Variants in APP observed in about 807,000 individuals in gnomAD.
The protein encoded by APP is amyloid beta precursor protein, also known as amyloid-beta precursor protein.
In APP, 31 loss-of-function variants were observed where a neutral mutation model predicts 101.4. The observed-to-expected ratio is 0.31, with a 90% CI of 0.23 to 0.41. APP has a LOEUF of 0.41. Ranked by LOEUF, APP falls within the 10% of genes least tolerant of loss-of-function variation. The pLI is 1.00. For missense variants in APP, 839 were observed against 1,003.7 expected, an observed-to-expected ratio of 0.84 and a Z score of 2.22; for synonymous variants, 366 against 364.4, an observed-to-expected ratio of 1.00 and a Z score of -0.05.
chr21:25,981,989 C>A (rs951081059), intron 9 of APP, among the ~76,000 whole-genome samples: 1 of 152,104 alleles, frequency 6.6e-6, no homozygotes, highest in Non-Finnish European at 1.5e-5. Context: ...TAATACAAAA[C>A]CTCATCTTTA....
At chr21:26,161,250 C>T (rs2063486801) in intron 1 of APP, among the ~76,000 whole-genome samples, 1 of 152,214 alleles carries the variant, frequency 6.6e-6, no homozygotes, top group Admixed American at 6.5e-5. Context: ...AGTAGATCTT[C>T]TGTCTACAAT....
At chr21:26,060,112 A>T (rs745736734) in intron 3 of APP, among the ~76,000 whole-genome samples, 1 of 152,148 alleles carries the variant, frequency 6.6e-6, no homozygotes, top group Non-Finnish European at 1.5e-5. Flanking sequence ...GTAGTTTCTC[A>T]TAATAATAAT....
intron 2 of APP, among the ~76,000 whole-genome samples, chr21:26,106,458 A>G (rs554563648): frequency 2.0e-5 from 3 of 152,288 alleles, no homozygotes; most frequent in African/African-American, 7.2e-5. Context: ...TTCCTCAGAA[A>G]AGGAGATGTT....
At chr21:25,882,397 G>A (rs966156482) in intron 17 of APP, among the ~76,000 whole-genome samples, 7 of 147,926 alleles carry the variant, frequency 4.7e-5, no homozygotes, top group Admixed American at 2.7e-4. Context: ...CAAGGACGAC[G>A]CCATTCTAGA....
At chr21:26,149,619 TCTCC>T (rs1394417887) in intron 1 of APP, among the ~76,000 whole-genome samples, 2 of 152,182 alleles carry the variant, frequency 1.3e-5, no homozygotes, top group African/African-American at 4.8e-5. Flanking sequence ...ATACAATAAT[TCTCC>T]CTGTCTTAAA....
intron 9 of APP, among the ~76,000 whole-genome samples, chr21:25,979,575 C>T (rs989861023): frequency 6.6e-6 from 1 of 152,138 alleles, no homozygotes; most frequent in Non-Finnish European, 1.5e-5. Flanking sequence ...ATTCTCTGCT[C>T]TGGGACAACA....
At chr21:26,004,433 C>G (rs2043429794) in intron 6 of APP, among the ~76,000 whole-genome samples, 1 of 34,888 alleles carries the variant, frequency 2.9e-5, no homozygotes, top group South Asian at 1.6e-3. Context: ...GCTGGGATTA[C>G]AAGCACCCGC....
intron 3 of APP, among the ~76,000 whole-genome samples, chr21:26,079,121 A>T (rs2830043): frequency 0.23 from 35,100 of 151,618 alleles, 4,155 homozygotes; most frequent in Admixed American, 0.28. Flanking sequence ...CACGATGAGA[A>T]GAGGGTTCTG....
chr21:26,044,376 A>C (rs2045513173), intron 5 of APP, among the ~76,000 whole-genome samples: 1 of 152,236 alleles, frequency 6.6e-6, no homozygotes, highest in South Asian at 2.1e-4. Flanking sequence ...CATATTGGCA[A>C]ATAGGAACAA....
At chr21:25,936,700 A>G (rs954193728) in intron 13 of APP, among the ~76,000 whole-genome samples, 2 of 152,214 alleles carry the variant, frequency 1.3e-5, no homozygotes, top group East Asian at 3.9e-4. Flanking sequence ...TCCAGCCTCC[A>G]GAAGCATGAG....
intron 14 of APP, among the ~76,000 whole-genome samples, chr21:25,907,363 T>C (rs2038847578): frequency 6.6e-6 from 1 of 152,088 alleles, no homozygotes; most frequent in African/African-American, 2.4e-5. Flanking sequence ...TATGATATCA[T>C]TGCCGAAAAA....
chr21:26,017,943 A>T (rs1458567998), intron 6 of APP, among the ~76,000 whole-genome samples: 2 of 151,942 alleles, frequency 1.3e-5, no homozygotes, highest in Non-Finnish European at 2.9e-5. Context: ...TCGTGTGCTC[A>T]CTTTTATTTT....
At chr21:26,086,111 GTC>G (rs2061697767) in intron 3 of APP, among the ~76,000 whole-genome samples, 1 of 152,212 alleles carries the variant, frequency 6.6e-6, no homozygotes, top group Non-Finnish European at 1.5e-5. Context: ...ATGAAGAGCA[GTC>G]ATTCAAATGG....
intron 14 of APP, among the ~76,000 whole-genome samples, chr21:25,905,360 G>A (rs1167294158): frequency 1.3e-5 from 2 of 152,146 alleles, no homozygotes; most frequent in African/African-American, 4.8e-5. Flanking sequence ...AGAGGGGTGG[G>A]GAGGGTGGAT....
chr21:26,123,101 A>G (rs1296040392), intron 1 of APP, among the ~76,000 whole-genome samples: 2 of 152,222 alleles, frequency 1.3e-5, no homozygotes, highest in African/African-American at 2.4e-5. Context: ...TTACCTTTCT[A>G]TTTTTAGCAG....
At chr21:26,014,398 C>T (rs2043960633) in intron 6 of APP, among the ~76,000 whole-genome samples, 1 of 152,190 alleles carries the variant, frequency 6.6e-6, no homozygotes, top group South Asian at 2.1e-4. Flanking sequence ...ATACAAGCTA[C>T]TCTGATTTAC....
At chr21:25,895,201 C>G (rs1355070845) in intron 16 of APP, among the ~76,000 whole-genome samples, 1 of 144,216 alleles carries the variant, frequency 6.9e-6, no homozygotes, top group East Asian at 2.0e-4. Flanking sequence ...GAGACAGAGT[C>G]TTGCTCTTGT....
chr21:26,074,751 A>G (rs77045551), intron 3 of APP, among the ~76,000 whole-genome samples: 1 of 13,936 alleles, frequency 7.2e-5, no homozygotes, highest in Non-Finnish European at 1.7e-4. Flanking sequence ...TGTGTCTCAC[A>G]AAAAAAAAAA....
chr21:26,150,778 G>A (rs982159528), intron 1 of APP, among the ~76,000 whole-genome samples: 4 of 152,278 alleles, frequency 2.6e-5, no homozygotes, highest in East Asian at 3.9e-4. Context: ...ATAAATGAAC[G>A]GATTTCCATA....
Sources: gnomAD v4.1 joint callset for allele counts (sites outside exome capture counted in the v4.1 genomes callset) on GRCh38, gnomAD v4.1.1 for gene constraint, MANE v1.5 for transcripts, NCBI Gene and HGNC (gene_info 2026-07-23, HGNC 2026-07-21) for gene names.